Variants in FLT4 observed in about 807,000 individuals in gnomAD.
The protein encoded by FLT4 is vascular endothelial growth factor receptor 3.
Under a neutral mutation model 163.2 loss-of-function variants are expected in FLT4, and 30 were observed. The ratio of observed to expected loss-of-function variants is 0.18; its 90% CI spans 0.14 to 0.25. The LOEUF is 0.25. FLT4 is among the 10% of genes least tolerant of loss of function. The pLI is 1.00. For missense variants in FLT4, 1,510 were observed against 1,863.8 expected (o/e 0.81, Z 3.50); for synonymous variants, 884 against 789.5 (o/e 1.12, Z -2.01).
chr5:180,608,537 C>T (rs1380924462), intron 29 of FLT4, among the ~76,000 whole-genome samples: 2 of 152,140 alleles, frequency 1.3e-5, no homozygotes, highest in Non-Finnish European at 2.9e-5. Context: ...GGAGAACACC[C>T]GCTAAGCCCC....
chr5:180,633,366 C>T (rs181879394), intron 1 of FLT4, among the ~76,000 whole-genome samples: 3 of 152,326 alleles, frequency 2.0e-5, no homozygotes, highest in Non-Finnish European at 2.9e-5. Context: ...CAGAAGGCAG[C>T]GCCTCGCCTG....
At chr5:180,647,677 A>G (rs1414445730) in intron 1 of FLT4, among the ~76,000 whole-genome samples, 3 of 151,898 alleles carry the variant, frequency 2.0e-5, no homozygotes, top group Admixed American at 6.6e-5. Flanking sequence ...TCTTCAGCCT[A>G]GCAGGGGGTA....
intron 1 of FLT4, among the ~76,000 whole-genome samples, chr5:180,634,810 A>C (rs12518056): frequency 3.0e-4 from 1 of 3,386 alleles, no homozygotes; most frequent in Admixed American, 5.2e-3. Flanking sequence ...AGATGGGTGG[A>C]TGGGTGGGTG....
rs1053273914 is a variant in FLT4, at chr5:180,636,618, C to G, written c.59-4840G>C. On this transcript the variant is annotated intron_variant, in intron 1 of 29. Transcript: ENST00000261937. The surrounding 1 kb of genome is among the most constrained non-coding windows in gnomAD (Gnocchi z 4.3). ...TCCACAGGGCTGACTCACCAGCACC[C>G]TGGCCTCTGAGATCCCCCCTGCACG... 3.3e-5 allele frequency among the ~76,000 whole-genome samples: 5 copies of G among 151,900 alleles called. No homozygotes were observed. The highest frequency in any genetic ancestry group is 4.8e-5 in the African/African-American group (2 of 41,342).
chr5:180,619,703 C>G lies in FLT4; in HGVS notation c.2609G>C (p.Gly870Ala), dbSNP rs779202482. The change falls in exon 18 of 30, where the codon GGC becomes GCC. Residue 870 changes from glycine to alanine, a missense_variant. Transcript: ENST00000261937. ...CACGGCCACGGTGTCACAGCTGCTG[C>G]CCTTGTGGATGCCGAAAGCGGAGGC... ...VEASAFGIHK[G>A]SSCDTVAVKM... 9.9e-6 allele frequency: 16 copies of G among 1,612,604 alleles called. No individual in the cohort carries two copies. The highest frequency in any genetic ancestry group is 1.4e-5 in the Non-Finnish European group (16 of 1,179,924).
intron 1 of FLT4, among the ~76,000 whole-genome samples, chr5:180,644,319 C>T (rs760502241): frequency 5.9e-5 from 9 of 152,144 alleles, no homozygotes; most frequent in Admixed American, 1.3e-4. Flanking sequence ...AGGCTGTGCA[C>T]GGAGGGGCAC....
chr5:180,621,474 G>T, intron 13 of FLT4, 68 bp downstream of exon 13: 1 of 1,583,172 alleles, frequency 6.3e-7, no homozygotes, highest in Non-Finnish European at 8.6e-7. Flanking sequence ...GAGCCACGCC[G>T]GGGCAAAGGC....
intron 29 of FLT4, among the ~76,000 whole-genome samples, chr5:180,605,568 C>T (rs1041151819): frequency 2.6e-5 from 4 of 152,208 alleles, no homozygotes; most frequent in Admixed American, 6.5e-5. Context: ...GAAATAGCCA[C>T]TTCTCCTGTG....
chr5:180,620,777 C>T lies in FLT4; in HGVS notation c.2300-62G>A. 6.3e-7 allele frequency: 1 copy of T among 1,595,738 alleles called. No homozygotes were observed. Among genetic ancestry groups the T allele is most frequent in the Non-Finnish European group, 8.6e-7 (1 of 1,165,934 alleles). On this transcript the variant is annotated intron_variant, in intron 15 of 29. Transcript: ENST00000261937. The surrounding 1 kb of genome is among the most constrained non-coding windows in gnomAD (Gnocchi z 4.4). ...GTGTGTAAGAGCGTGCACCTGCAGGCAGCACCCCTTCTGGTGGCCACGACT... is the reference window on the plus strand; with the variant it reads ...GTGTGTAAGAGCGTGCACCTGCAGGTAGCACCCCTTCTGGTGGCCACGACT...
intron 1 of FLT4, among the ~76,000 whole-genome samples, chr5:180,646,054 T>C (rs929425306): frequency 1.3e-5 from 2 of 151,990 alleles, no homozygotes; most frequent in Non-Finnish European, 2.9e-5. Context: ...TTGCAGCTGA[T>C]TCGCTTAATT....
At chr5:180,622,919 C>G in intron 11 of FLT4, 80 bp from the exon 12 acceptor site, 1 of 827,794 alleles carries the variant, frequency 1.2e-6, no homozygotes, top group Non-Finnish European at 2.0e-6. Flanking sequence ...AAGGAGGTCG[C>G]TGTGCACCAC....
intron 12 of FLT4, among the ~76,000 whole-genome samples, chr5:180,622,122 A>G (rs1323583887): frequency 6.6e-6 from 1 of 151,530 alleles, no homozygotes; most frequent in African/African-American, 2.4e-5. Context: ...GAAGCTTGCC[A>G]TGCCCCACCC....
chr5:180,606,677 G>A (rs745910480), intron 29 of FLT4, among the ~76,000 whole-genome samples: 10 of 152,238 alleles, frequency 6.6e-5, no homozygotes, highest in African/African-American at 1.9e-4. Flanking sequence ...TTTGAATGTC[G>A]AAATGCTGTT....
chr5:180,612,120 C>T (rs1358016654), intron 26 of FLT4, among the ~76,000 whole-genome samples: 3 of 152,196 alleles, frequency 2.0e-5, no homozygotes, highest in Admixed American at 2.0e-4. Context: ...GAGATGTCAG[C>T]ACACACAGGT....
intron 26 of FLT4, among the ~76,000 whole-genome samples, chr5:180,612,223 C>A (rs1467533594): frequency 6.6e-6 from 1 of 152,218 alleles, no homozygotes; most frequent in Non-Finnish European, 1.5e-5. Context: ...GGCTGCCTCA[C>A]AGGCCGGGGG....
At chr5:180,643,872 AGTGCAGTGGCACG>A (rs1765321614) in intron 1 of FLT4, among the ~76,000 whole-genome samples, 1 of 150,078 alleles carries the variant, frequency 6.7e-6, no homozygotes, top group Non-Finnish European at 1.5e-5. Context: ...CCCAGGCTGT[AGTGCAGTGGCACG>A]GTCTCGGCTC....
At position 180,618,913 on chromosome 5, in the gene FLT4, G is replaced by C. The variant is rs866347420; in HGVS notation, c.2858C>G (p.Ser953Cys). Reference protein sequence around the residue: ...RDAFSPCAEKSPEQRGRFRAM... With the variant: ...RDAFSPCAEKCPEQRGRFRAM... ...GCGGAAGCGTCCGCGCTGCTCGGGAGACTTCTCCTGCGGATGCACGAAGCT... is the reference window on the plus strand; with the variant it reads ...GCGGAAGCGTCCGCGCTGCTCGGGACACTTCTCCTGCGGATGCACGAAGCT... The change falls in exon 21 of 30, where the codon TCT becomes TGT. Residue 953 changes from serine (S) to cysteine (C), a missense_variant. By Grantham distance (112) the Ser-to-Cys change is moderately radical (BLOSUM62 -1). Around this residue, in one of 5 missense-constraint regions of FLT4, gnomAD observed 878 missense variants for 1,016.7 expected, o/e 0.86. Coordinates refer to ENST00000261937, the MANE Select transcript of FLT4 (RefSeq NM_182925.5). 1.9e-6 allele frequency: 3 copies of C among 1,585,572 alleles called. No individual in the cohort carries two copies. The highest frequency in any genetic ancestry group is 3.3e-4 in the Middle Eastern group (2 of 5,978).
intron 6 of FLT4, 29 bp from the exon 7 acceptor site, chr5:180,629,456 A>G: frequency 6.2e-7 from 1 of 1,608,238 alleles, no homozygotes; most frequent in Non-Finnish European, 8.5e-7. Context: ...GCCCCGCGTC[A>G]GCAGGCGGGC....
In FLT4 at chr5:180,634,858, ATG is replaced by A. The variant is rs1561748059; in HGVS notation, c.59-3082_59-3081del. The stretch of plus-strand genomic sequence containing the variant: ...GATGGATGCATGGATGGATGGAAGT[ATG>A]GGTGGATGGGTGGGTGGGTGGGTGG... On this transcript the variant is annotated intron_variant, in intron 1 of 29. Transcript: ENST00000261937. Among the ~76,000 whole-genome samples the A allele has an allele frequency of 5.8e-5, 4 of 69,010 alleles. 1 individual carries two copies. The highest frequency in any genetic ancestry group is 1.4e-3 in the East Asian group (2 of 1,414). The allele number at this position is 69,010 out of a possible 152,430, so 45.3% of individuals were successfully genotyped here.
Sources: gnomAD v4.1 joint callset for allele counts (sites outside exome capture counted in the v4.1 genomes callset) on GRCh38, gnomAD v4.1.1 for gene constraint, gnomAD v4.1.1 regional missense constraint, Gnocchi (gnomAD v3.1) non-coding constraint, MANE v1.5 for transcripts, NCBI Gene and HGNC (gene_info 2026-07-23, HGNC 2026-07-21) for gene names.